AKAP8: variants seen among roughly 807,000 people sequenced by gnomAD.
The protein encoded by AKAP8 is A-kinase anchoring protein 8, also known as A-kinase anchor protein 8.
AKAP8 carries 24 observed loss-of-function variants against 67.5 expected under a neutral mutation model. The ratio of observed to expected loss-of-function variants is 0.36; its 90% CI spans 0.26 to 0.50. The LOEUF (loss-of-function observed/expected upper bound fraction) is 0.50. Ranked by LOEUF, AKAP8 falls within the 20% of genes least tolerant of loss-of-function variation. The pLI, the probability that AKAP8 is intolerant of heterozygous loss-of-function variation, is 0.97. For synonymous variants in AKAP8, 400 were observed against 371.1 expected (o/e 1.08, Z -0.90); for missense variants, 971 against 955.9 (o/e 1.02, Z -0.21).
chr19:15,368,215 G>A lies in AKAP8; in HGVS notation c.1160+20C>T. ...GCACGAGTCCACCTCCTCCTGTGGG[G>A]TCGTGTGCCCGCGCCTCACCTGTCG... is the stretch of plus-strand genomic sequence containing the variant. On this transcript the variant is annotated intron_variant, in intron 9 of 13. Coordinates refer to ENST00000269701, the MANE Select transcript of AKAP8 (RefSeq NM_005858.4). The A allele has an allele frequency of 6.2e-7, 1 of 1,609,382 alleles. No individual in the cohort carries two copies. The highest frequency in any genetic ancestry group is 8.5e-7 in the Non-Finnish European group (1 of 1,179,782).
chr19:15,374,871 G>A (rs564306392), intron 2 of AKAP8, among the ~76,000 whole-genome samples: 1 of 152,342 alleles, frequency 6.6e-6, no homozygotes, highest in Admixed American at 6.5e-5. Context: ...TCAGGGCAAG[G>A]GAAGGGACGC....
chr19:15,369,028 G>GA lies in AKAP8; in HGVS notation c.1073-707dup. On this transcript the variant is annotated intron_variant, in intron 8 of 13. Transcript: ENST00000269701. The surrounding 1 kb of genome is among the most constrained non-coding windows in gnomAD (Gnocchi z 4.6). ...CAGCATGAGGCCAGGGACGGACGCTGAAAAAAGGTTGGAGAAGCATCTGAA... is the reference window on the plus strand; with the variant it reads ...CAGCATGAGGCCAGGGACGGACGCTGAAAAAAAGGTTGGAGAAGCATCTGAA... The GA allele has an allele frequency of 1.0e-6, 1 of 985,684 alleles. No homozygotes were observed. The highest frequency in any genetic ancestry group is 1.2e-6 in the Non-Finnish European group (1 of 830,202). The allele number at this position is 985,684 out of a possible 1,614,324, so 61.1% of individuals were successfully genotyped here. A position where few individuals can be genotyped will look rare whatever the true frequency, so the allele number is the denominator to read the frequency against.
At chr19:15,379,647 C>A in intron 1 of AKAP8, 66 bp downstream of exon 1, 2 of 1,552,696 alleles carry the variant, frequency 1.3e-6, no homozygotes, top group Non-Finnish European at 1.7e-6. Flanking sequence ...CGGCAGTCTG[C>A]GCAGCGGCTG....
Position 15,362,275 on chromosome 19 carries a change from G to C in AKAP8, c.1161-24C>G, listed in dbSNP as rs775945862. 36 of 1,613,160 alleles carry C rather than the reference G, an allele frequency of 2.2e-5. No homozygotes were observed. In the South Asian group the frequency reaches 3.7e-4, roughly 17 times the overall value. ...TTCTGTAGAAGGAAAACAAGGAGGG[G>C]AGTGAAGCAGGGAGCATCAGCGAGT... On this transcript the variant is annotated intron_variant, in intron 9 of 13. Coordinates refer to ENST00000269701, the MANE Select transcript of AKAP8 (RefSeq NM_005858.4).
Position 15,367,756 on chromosome 19 carries a change from A to G in AKAP8, c.1160+479T>C, listed in dbSNP as rs117518411. On this transcript the variant is annotated intron_variant, in intron 9 of 13. Transcript: ENST00000269701. ...ATCTTGATGGTAGGATCATCTCTCTACCTGTCTCCTAGCTGTGTCAAACTC... is the reference window on the plus strand; with the variant it reads ...ATCTTGATGGTAGGATCATCTCTCTGCCTGTCTCCTAGCTGTGTCAAACTC... 9.8e-3 allele frequency among the ~76,000 whole-genome samples: 1,489 copies of G among 152,238 alleles called. 17 individuals carry two copies. Among genetic ancestry groups the G allele is most frequent in the Non-Finnish European group, 0.017 (1,184 of 68,018 alleles).
chr19:15,358,656 GTTTT>G lies in AKAP8; in HGVS notation c.1623+307_1623+310del, dbSNP rs144215661. On this transcript the variant is annotated intron_variant, in intron 13 of 13. Coordinates refer to ENST00000269701, the MANE Select transcript of AKAP8 (RefSeq NM_005858.4). ...GCTTCCCGAGTAGGGCTAGCCTTGG[GTTTT>G]TCTTAAAAAATCACCTAACCATCAT... 9.5e-3 allele frequency among the ~76,000 whole-genome samples: 1,446 copies of G among 152,182 alleles called. 23 individuals carry two copies. The highest frequency in any genetic ancestry group is 0.033 in the African/African-American group (1,366 of 41,506).
intron 9 of AKAP8, among the ~76,000 whole-genome samples, chr19:15,365,109 C>T (rs1967048057): frequency 6.6e-6 from 1 of 152,220 alleles, no homozygotes; most frequent in Non-Finnish European, 1.5e-5. Flanking sequence ...CAGAAAGCTG[C>T]AACTGCTTGG....
chr19:15,356,307 A>G (rs2048278081), intron 13 of AKAP8, among the ~76,000 whole-genome samples: 1 of 152,046 alleles, frequency 6.6e-6, no homozygotes, highest in African/African-American at 2.4e-5. Context: ...CGGGAGGCTG[A>G]GGCAGCAGAA....
In AKAP8 at chr19:15,361,998, G is replaced by C. The variant is rs185069183; in HGVS notation, c.1302+112C>G. On this transcript the variant is annotated intron_variant, in intron 10 of 13. Transcript: ENST00000269701. ...AGGGACTTACACAGCTACTCTATCT[G>C]GGAAAGGAAACCTTGGCCAAGTATA... 5.4e-6 allele frequency: 8 copies of C among 1,472,508 alleles called. No homozygotes were observed. In the African/African-American group the frequency reaches 5.6e-5, roughly 10 times the overall value. The allele number at this position is 1,472,508 out of a possible 1,614,324, so 91.2% of individuals were successfully genotyped here.
Position 15,373,005 on chromosome 19 carries a change from C to T in AKAP8, c.707G>A (p.Gly236Glu). The change falls in exon 5 of 14, where the codon GGA becomes GAA. Residue 236 changes from glycine (G) to glutamate (E), a missense_variant. Gly to Glu is a moderately conservative substitution (Grantham distance 98). This residue lies in a region of AKAP8 where 763 missense variants were observed against 745.4 expected (regional missense o/e 1.02). Transcript: ENST00000269701. ...ELNYVGGRGLGGPSPSRPPPS... is the reference protein window; with the variant it reads ...ELNYVGGRGLEGPSPSRPPPS... ...AGGTGGCCGGCTGGGGGAGGGCCCT[C>T]CCAGGCCCCGTCCACCCACGTAGTT... 2 of 1,571,876 alleles carry T rather than the reference C, an allele frequency of 1.3e-6. No individual in the cohort carries two copies. Among genetic ancestry groups the T allele is most frequent in the Non-Finnish European group, 1.7e-6 (2 of 1,156,524 alleles).
intron 13 of AKAP8, among the ~76,000 whole-genome samples, chr19:15,355,978 C>T (rs1230639332): frequency 2.6e-5 from 4 of 152,024 alleles, no homozygotes; most frequent in East Asian, 1.9e-4. Flanking sequence ...TCAGGTGATC[C>T]GCCTGCCTTG....
At chr19:15,367,507 GAC>G (rs1478885891) in intron 9 of AKAP8, among the ~76,000 whole-genome samples, 7 of 152,256 alleles carry the variant, frequency 4.6e-5, no homozygotes, top group African/African-American at 1.7e-4. Flanking sequence ...CAGCCTGGGC[GAC>G]AGAGCAAGAC....
intron 9 of AKAP8, among the ~76,000 whole-genome samples, chr19:15,366,481 CTT>C (rs955958785): frequency 6.8e-6 from 1 of 146,202 alleles, no homozygotes; most frequent in Non-Finnish European, 1.5e-5. Flanking sequence ...GCATTTCTCT[CTT>C]TTTTTTTTGA....
Position 15,376,964 on chromosome 19 carries a change from G to C in AKAP8, c.58+12C>G, listed in dbSNP as rs1267290730. The C allele has an allele frequency of 6.2e-6, 10 of 1,611,634 alleles. No homozygotes were observed. Among genetic ancestry groups the C allele is most frequent in the Non-Finnish European group, 8.5e-6 (10 of 1,179,108 alleles). On this transcript the variant is annotated intron_variant, in intron 2 of 13. Coordinates refer to ENST00000269701, the MANE Select transcript of AKAP8 (RefSeq NM_005858.4). ...AAGCCCACGCCTCACCCGCAAAGCA[G>C]AGCCCACTTACCCTGGGTGTTGGCA...
In AKAP8 at chr19:15,379,787, C is replaced by G; in HGVS notation, c.-56G>C. On this transcript the variant is annotated 5_prime_UTR_variant, in exon 1 of 14. Transcript: ENST00000269701. ...TTACTAGGCGACCACAGCACGCATG[C>G]GTTCAGCGCACCTCCGCCATCGACT... The G allele has an allele frequency of 1.9e-6, 3 of 1,607,048 alleles. No homozygotes were observed. Among genetic ancestry groups the G allele is most frequent in the South Asian group, 1.1e-5 (1 of 89,990 alleles).
In AKAP8 at chr19:15,373,872, C is replaced by G; in HGVS notation, c.285G>C (p.Lys95Asn). The change falls in exon 4 of 14, where the codon AAG becomes AAC. Residue 95 changes from lysine to asparagine, a missense_variant. By Grantham distance (94) the Lys-to-Asn change is moderately conservative. Around this residue, in one of 3 missense-constraint regions of AKAP8, gnomAD observed 763 missense variants for 745.4 expected, o/e 1.02. Coordinates refer to ENST00000269701, the MANE Select transcript of AKAP8 (RefSeq NM_005858.4). ...CTDNSDSLIA[K>N]INQRLDMMSK... Reference sequence around the variant, plus strand: ...ACATCATGTCCAAACGCTGGTTGATCTTGGCAATGAGGGAGTCGGAATTGT... The same window carrying G: ...ACATCATGTCCAAACGCTGGTTGATGTTGGCAATGAGGGAGTCGGAATTGT... 1 of 1,613,272 alleles carries G rather than the reference C, an allele frequency of 6.2e-7. No individual in the cohort carries two copies. Among genetic ancestry groups the G allele is most frequent in the Non-Finnish European group, 8.5e-7 (1 of 1,179,954 alleles).
At chr19:15,376,247 G>A (rs545198856) in intron 2 of AKAP8, among the ~76,000 whole-genome samples, 2 of 152,276 alleles carry the variant, frequency 1.3e-5, no homozygotes, top group East Asian at 1.9e-4. Flanking sequence ...ATGAGGCCAG[G>A]CGTGGTGGCT....
intron 13 of AKAP8, among the ~76,000 whole-genome samples, chr19:15,357,822 C>A (rs930620585): frequency 6.6e-6 from 1 of 150,786 alleles, no homozygotes. Flanking sequence ...GCTGGGACCA[C>A]AGGCGCATGC....
Position 15,374,072 on chromosome 19 carries a change from CA to C in AKAP8, c.92-8del, listed in dbSNP as rs750775594. The stretch of plus-strand genomic sequence containing the variant: ...TAATTGTAGTTTTCATAACCTGTCA[CA>C]GGGGGAGGAGCCAAGTCAGACTTCA... On this transcript the variant is annotated splice_region_variant and splice_polypyrimidine_tract_variant and intron_variant, in intron 3 of 13. Transcript: ENST00000269701. 1.2e-5 allele frequency: 19 copies of C among 1,540,384 alleles called. No individual in the cohort carries two copies. The highest frequency in any genetic ancestry group is 4.3e-5 in the Admixed American group (2 of 46,842).
Sources: gnomAD v4.1 joint callset for allele counts (sites outside exome capture counted in the v4.1 genomes callset) on GRCh38, gnomAD v4.1.1 for gene constraint, gnomAD v4.1.1 regional missense constraint, Gnocchi (gnomAD v3.1) non-coding constraint, MANE v1.5 for transcripts, NCBI Gene and HGNC (gene_info 2026-07-23, HGNC 2026-07-21) for gene names.